RPS24: variants seen among roughly 807,000 people sequenced by gnomAD.
RPS24 encodes small ribosomal subunit protein eS24.
For missense variants in RPS24, 100 were observed against 162.5 expected (o/e 0.62, Z 2.09); for synonymous variants, 72 against 55.6 (o/e 1.30, Z -1.31).
chr10:78,052,262 G>A (rs1848105706), intron 4 of RPS24, among the ~76,000 whole-genome samples: 1 of 152,110 alleles, frequency 6.6e-6, no homozygotes, highest in Non-Finnish European at 1.5e-5. Context: ...CTGGCCTCAA[G>A]TGATCCACCT....
chr10:78,048,874 C>CAAAAAAAAA (rs59311975), intron 4 of RPS24: 1 of 56,632 alleles, frequency 1.8e-5, no homozygotes, highest in African/African-American at 5.8e-5. Flanking sequence ...GAGTCCATCT[C>CAAAAAAAAA]AAAAAAAAAA....
At chr10:78,039,951 T>C (rs544055255) in intron 4 of RPS24, 3 of 567,262 alleles carry the variant, frequency 5.3e-6, no homozygotes, top group Non-Finnish European at 9.7e-6. Context: ...GATCTCTTCA[T>C]TGTGAAGTCC....
intron 5 of RPS24, 131 bp downstream of exon 5, chr10:78,040,356 C>T: frequency 2.4e-6 from 2 of 833,288 alleles, no homozygotes; most frequent in Non-Finnish European, 4.0e-6. Flanking sequence ...GAGTTGTAAC[C>T]TTTTAAAATA....
chr10:78,050,158 CCT>C (rs35107282), intron 4 of RPS24, among the ~76,000 whole-genome samples: 107,249 of 150,826 alleles, frequency 0.71, 38,700 homozygotes, highest in African/African-American at 0.85. Flanking sequence ...TGAGTCTATG[CCT>C]CTCTCTCTCT....
chr10:78,052,620 C>T (rs1375854555), intron 4 of RPS24, among the ~76,000 whole-genome samples: 2 of 152,106 alleles, frequency 1.3e-5, no homozygotes, highest in Non-Finnish European at 2.9e-5. Flanking sequence ...CCTTTGGACC[C>T]CTTCTAGGGG....
intron 4 of RPS24, among the ~76,000 whole-genome samples, chr10:78,053,906 A>G (rs1470562704): frequency 6.6e-6 from 1 of 152,174 alleles, no homozygotes; most frequent in Non-Finnish European, 1.5e-5. Context: ...GTCTACCACG[A>G]ACCAATTTGC....
intron 4 of RPS24, chr10:78,039,143 A>G (rs575625352): frequency 3.3e-5 from 5 of 152,204 alleles, no homozygotes; most frequent in Non-Finnish European, 4.4e-5. Flanking sequence ...TCCCAGCGCC[A>G]TGGAGTATGT....
intron 1 of RPS24, among the ~76,000 whole-genome samples, chr10:78,034,743 T>C (rs1847823559): frequency 1.3e-5 from 2 of 152,386 alleles, no homozygotes; most frequent in East Asian, 3.9e-4. Flanking sequence ...TGATCTCTGC[T>C]ATGGCCATTC....
intron 4 of RPS24, 56 bp from the exon 5 acceptor site, chr10:78,040,148 A>G: frequency 6.4e-7 from 1 of 1,552,506 alleles, no homozygotes; most frequent in Non-Finnish European, 8.9e-7. Flanking sequence ...AGGGACTATT[A>G]ATGAAATCTT....
downstream of RPS24, among the ~76,000 whole-genome samples, chr10:78,043,097 G>T (rs757582043): frequency 6.6e-6 from 1 of 152,076 alleles, no homozygotes; most frequent in African/African-American, 2.4e-5. Context: ...TCTGCCTCAC[G>T]GGTTCACGCC....
At chr10:78,043,162 C>T (rs1259402726), downstream of RPS24, among the ~76,000 whole-genome samples, 1 of 152,104 alleles carries the variant, frequency 6.6e-6, no homozygotes, top group East Asian at 1.9e-4. Flanking sequence ...CGCCACCATG[C>T]CCGGGTAATT....
intron 4 of RPS24, chr10:78,049,206 C>T (rs1848075394): frequency 6.6e-6 from 1 of 152,186 alleles, no homozygotes; most frequent in African/African-American, 2.4e-5. Flanking sequence ...TACTCAAGTG[C>T]TGTTTCTTGC....
chr10:78,035,977 G>C (rs1165024145), intron 3 of RPS24: 2 of 482,266 alleles, frequency 4.1e-6, no homozygotes, highest in Non-Finnish European at 7.6e-6. Flanking sequence ...TTGTTTTCCA[G>C]AGGAGAAGTA....
In RPS24 at chr10:78,048,104, C is replaced by G. The variant is rs567198097; in HGVS notation, c.391-6427C>G. 2.0e-5 allele frequency among the ~76,000 whole-genome samples: 3 copies of G among 152,272 alleles called. No homozygotes were observed. In the East Asian group the frequency reaches 5.8e-4, roughly 29 times the overall value. Reference sequence around the variant, plus strand: ...ACTGCCTTGTGCTTTTCAAGGACCTCGGATTGCAGGGGATCTGTAAACCCT... The same window carrying G: ...ACTGCCTTGTGCTTTTCAAGGACCTGGGATTGCAGGGGATCTGTAAACCCT... On this transcript the variant is annotated intron_variant, in intron 4 of 4. Transcript: ENST00000440692.
chr10:78,055,034 T>A, exon 5 of RPS24: 1 of 1,456,930 alleles, frequency 6.9e-7, no homozygotes, highest in South Asian at 1.5e-5. Context: ...GCCGCCTTGC[T>A]GCATTTCTGA....
chr10:78,040,540 A>G, intron 5 of RPS24, 75 bp from the exon 6 acceptor site: 1 of 1,039,592 alleles, frequency 9.6e-7, no homozygotes, highest in Non-Finnish European at 1.5e-6. Context: ...CATGAGTGTT[A>G]CTACTTTTGG....
At chr10:78,048,483 G>A (rs544573873) in intron 4 of RPS24, among the ~76,000 whole-genome samples, 5 of 152,238 alleles carry the variant, frequency 3.3e-5, no homozygotes, top group South Asian at 2.1e-4. Flanking sequence ...TTTTCAGAGC[G>A]CTATAGATGT....
At chr10:78,055,977 T>C (rs984273021) in exon 5 of RPS24, 1 of 152,234 alleles carries the variant, frequency 6.6e-6, no homozygotes, top group South Asian at 2.1e-4. Flanking sequence ...GACCTCAAAC[T>C]CCTGACCTCA....
intron 4 of RPS24, 69 bp downstream of exon 4, chr10:78,037,373 A>C: frequency 6.6e-7 from 1 of 1,515,450 alleles, no homozygotes; most frequent in East Asian, 2.5e-5. Context: ...GAAAGAAGGG[A>C]TCTTATTAAT....
Sources: allele counts gnomAD v4.1 joint callset (sites outside exome capture counted in the v4.1 genomes callset), GRCh38; gene constraint gnomAD v4.1.1; transcripts MANE v1.5; gene names NCBI Gene and HGNC (gene_info 2026-07-23, HGNC 2026-07-21).